Variants in CNTNAP2 observed in about 807,000 individuals in gnomAD.
CNTNAP2 encodes the protein contactin-associated protein-like 2.
In CNTNAP2, 98 loss-of-function variants were observed where a neutral mutation model predicts 155.2. The ratio of observed to expected loss-of-function variants is 0.63; its 90% CI spans 0.54 to 0.75. The LOEUF is 0.75. CNTNAP2 is among the 30% of genes least tolerant of loss of function. The pLI is 0.00. For synonymous variants in CNTNAP2, 651 were observed against 631.2 expected (o/e 1.03, Z -0.47); for missense variants, 1,727 against 1,688.1 (o/e 1.02, Z -0.40).
chr7:146,534,038 C>T (rs1797810976), intron 1 of CNTNAP2, among the ~76,000 whole-genome samples: 1 of 151,878 alleles, frequency 6.6e-6, no homozygotes, highest in Non-Finnish European at 1.5e-5. Context: ...CAAATGAGTC[C>T]TCTGTCATTT....
intron 1 of CNTNAP2, among the ~76,000 whole-genome samples, chr7:146,531,632 G>T (rs184319333): frequency 6.6e-6 from 1 of 152,150 alleles, no homozygotes; most frequent in East Asian, 1.9e-4. Context: ...TGCAACCTCC[G>T]CCTCCCAGGT....
intron 3 of CNTNAP2, among the ~76,000 whole-genome samples, chr7:146,975,793 A>G (rs1227910867): frequency 2.0e-5 from 3 of 152,208 alleles, no homozygotes; most frequent in African/African-American, 4.8e-5. Context: ...CATTTCAGAT[A>G]TTTTAGAGAG....
intron 1 of CNTNAP2, among the ~76,000 whole-genome samples, chr7:146,521,995 A>C (rs918292421): frequency 4.6e-5 from 7 of 151,362 alleles, no homozygotes; most frequent in African/African-American, 1.7e-4. Flanking sequence ...GAGTAAATCA[A>C]TGCAATTCTC....
intron 1 of CNTNAP2, among the ~76,000 whole-genome samples, chr7:146,484,846 C>A (rs1179028711): frequency 6.6e-6 from 1 of 152,104 alleles, no homozygotes; most frequent in East Asian, 1.9e-4. Flanking sequence ...TTTCCTCCAA[C>A]CCTTACATAT....
intron 21 of CNTNAP2, among the ~76,000 whole-genome samples, chr7:148,361,673 A>G (rs1490020471): frequency 6.6e-6 from 1 of 152,228 alleles, no homozygotes; most frequent in South Asian, 2.1e-4. Context: ...CCTTAACTAA[A>G]GATGACCTCA....
intron 11 of CNTNAP2, among the ~76,000 whole-genome samples, chr7:147,532,223 C>T (rs1358161027): frequency 6.6e-6 from 1 of 152,138 alleles, no homozygotes; most frequent in African/African-American, 2.4e-5. Context: ...GAATGTTTTG[C>T]TGCTTAGAAA....
chr7:147,970,231 TAGAA>T (rs979778039), intron 14 of CNTNAP2, among the ~76,000 whole-genome samples: 14 of 152,206 alleles, frequency 9.2e-5, no homozygotes, highest in African/African-American at 3.4e-4. Flanking sequence ...ATTTAAGAGA[TAGAA>T]AGAATAAGAA....
chr7:148,002,606 A>G (rs961526181), intron 15 of CNTNAP2, among the ~76,000 whole-genome samples: 1 of 152,218 alleles, frequency 6.6e-6, no homozygotes, highest in Admixed American at 6.5e-5. Flanking sequence ...TTTAGATGAC[A>G]CATTTAATTT....
intron 18 of CNTNAP2, among the ~76,000 whole-genome samples, chr7:148,206,897 C>T (rs1282021947): frequency 6.6e-6 from 1 of 152,134 alleles, no homozygotes; most frequent in African/African-American, 2.4e-5. Context: ...ACTCAGATGT[C>T]GCCTTCCTTA....
At chr7:146,611,384 C>A (rs1799134556) in intron 1 of CNTNAP2, among the ~76,000 whole-genome samples, 1 of 152,174 alleles carries the variant, frequency 6.6e-6, no homozygotes, top group South Asian at 2.1e-4. Context: ...AGCCACCGCA[C>A]CTGGTCTATT....
chr7:147,225,766 G>T (rs71530774), intron 8 of CNTNAP2, among the ~76,000 whole-genome samples: 1 of 128,108 alleles, frequency 7.8e-6, no homozygotes, highest in African/African-American at 3.1e-5. Context: ...AAGGAAGGAA[G>T]GAAGGAAGGA....
chr7:146,421,766 T>C (rs950015325), intron 1 of CNTNAP2, among the ~76,000 whole-genome samples: 1 of 151,994 alleles, frequency 6.6e-6, no homozygotes, highest in Middle Eastern at 3.4e-3. Flanking sequence ...ATATACTGAG[T>C]CTTCTTTCTA....
At chr7:147,217,384 A>G (rs529304726) in intron 8 of CNTNAP2, among the ~76,000 whole-genome samples, 37 of 151,758 alleles carry the variant, frequency 2.4e-4, no homozygotes, top group Middle Eastern at 3.4e-3. Flanking sequence ...TTTTTCAGAT[A>G]ATTTCTCTGC....
At chr7:147,411,284 A>T (rs1797098335) in intron 10 of CNTNAP2, among the ~76,000 whole-genome samples, 1 of 152,228 alleles carries the variant, frequency 6.6e-6, no homozygotes, top group Admixed American at 6.5e-5. Flanking sequence ...TTAAGATGGT[A>T]TTTTAATTGA....
intron 1 of CNTNAP2, among the ~76,000 whole-genome samples, chr7:146,368,863 T>TATAG (rs1795191806): frequency 6.7e-6 from 1 of 150,322 alleles, no homozygotes; most frequent in African/African-American, 2.4e-5. Flanking sequence ...TATATATATA[T>TATAG]ATAGATGCTT....
intron 1 of CNTNAP2, among the ~76,000 whole-genome samples, chr7:146,254,415 C>G (rs1034670574): frequency 2.6e-5 from 4 of 152,168 alleles, no homozygotes; most frequent in Non-Finnish European, 5.9e-5. Flanking sequence ...TCGCCACTGC[C>G]TCATTCATAC....
chr7:147,764,712 A>G (rs1419962899), intron 13 of CNTNAP2, among the ~76,000 whole-genome samples: 1 of 152,250 alleles, frequency 6.6e-6, no homozygotes, highest in East Asian at 1.9e-4. Flanking sequence ...TTCTGGAAAC[A>G]AAAGCTGCTG....
At chr7:147,568,182 C>T (rs1396628306) in intron 12 of CNTNAP2, among the ~76,000 whole-genome samples, 3 of 151,566 alleles carry the variant, frequency 2.0e-5, no homozygotes, top group Non-Finnish European at 4.4e-5. Flanking sequence ...CACTGCCTTT[C>T]CTTCAAAAAA....
At chr7:146,856,441 G>A (rs9648839) in intron 3 of CNTNAP2, among the ~76,000 whole-genome samples, 2 of 151,718 alleles carry the variant, frequency 1.3e-5, no homozygotes, top group Non-Finnish European at 2.9e-5. Flanking sequence ...GGTGCTGGAG[G>A]TGGGAACTCA....
Sources: allele counts gnomAD v4.1 joint callset (sites outside exome capture counted in the v4.1 genomes callset), GRCh38; gene constraint gnomAD v4.1.1; transcripts MANE v1.5; gene names NCBI Gene and HGNC (gene_info 2026-07-23, HGNC 2026-07-21).